Variants in PCDH11X observed in about 807,000 individuals in gnomAD.
PCDH11X encodes protocadherin-11 X-linked.
Under a neutral mutation model 53.3 loss-of-function variants are expected in PCDH11X, and 18 were observed. That is an observed-to-expected ratio of 0.34 (90% confidence interval 0.23 to 0.50). The LOEUF is 0.50. Among genes scored for constraint, PCDH11X ranks in the 20% least tolerant of loss-of-function variants. PCDH11X has a pLI of 0.98. For missense variants in PCDH11X, 570 were observed against 1,032.4 expected (o/e 0.55, Z 6.14); for synonymous variants, 279 against 393.3 (o/e 0.71, Z 3.44).
At chrX:92,441,758 A>G (rs1234922967) in intron 9 of PCDH11X, among the ~76,000 whole-genome samples, 1 of 111,970 alleles carries the variant, frequency 8.9e-6, no homozygotes. Flanking sequence ...ACCCACACAC[A>G]GAGTCCCTAC....
chrX:92,419,669 CTTTTTTTTTTTT>C (rs757189751), intron 9 of PCDH11X, among the ~76,000 whole-genome samples: 8 of 54,196 alleles, frequency 1.5e-4, no homozygotes, highest in African/African-American at 3.1e-4. Flanking sequence ...TCCCTCCACC[CTTTTTTTTTTTT>C]TTTTTTTTTT....
chrX:92,397,895 T>A (rs1268987708), intron 9 of PCDH11X, among the ~76,000 whole-genome samples: 4 of 111,776 alleles, frequency 3.6e-5, no homozygotes, highest in African/African-American at 1.3e-4. Flanking sequence ...CTTCCCCCAG[T>A]TGATTATGAA....
chrX:92,142,158 AT>A lies in PCDH11X; in HGVS notation c.3034-59202del, dbSNP rs755188681. Among the ~76,000 whole-genome samples the A allele has an allele frequency of 3.6e-3, 355 of 98,131 alleles. 1 individual carries two copies. Among genetic ancestry groups the A allele is most frequent in the Middle Eastern group, 0.011 (2 of 190 alleles). The allele number at this position is 98,131 out of a possible 115,157, so 85.2% of individuals were successfully genotyped here. A position where few individuals can be genotyped will look rare whatever the true frequency, so the allele number is the denominator to read the frequency against. Reference sequence around the variant, plus strand: ...AAACAAGTGCTAAATTATTATTATTATTTTTTTTTTTTTTTGAGATGGAGTT... The same window carrying A: ...AAACAAGTGCTAAATTATTATTATTATTTTTTTTTTTTTTGAGATGGAGTT... On this transcript the variant is annotated intron_variant, in intron 6 of 10. Coordinates refer to ENST00000682573, the MANE Select transcript of PCDH11X (RefSeq NM_032968.5).
Position 92,621,571 on chromosome X carries a change from G to GC in PCDH11X, c.*2633dup, listed in dbSNP as rs1928500538. Reference sequence around the variant, plus strand: ...TATTAGCCCAGTTATTCTCCCCTATGCCTTCCTTCTCTTTCTAAGCGTCCA... The same window carrying GC: ...TATTAGCCCAGTTATTCTCCCCTATGCCCTTCCTTCTCTTTCTAAGCGTCCA... On this transcript the variant is annotated 3_prime_UTR_variant, in exon 11 of 11. Transcript: ENST00000682573. The GC allele has an allele frequency of 9.0e-6, 1 of 110,820 alleles. No homozygotes were observed. Among genetic ancestry groups the GC allele is most frequent in the African/African-American group, 3.3e-5 (1 of 30,416 alleles). 9.1% of individuals were successfully genotyped at this position (110,820 alleles called of 1,213,427 possible).
intron 6 of PCDH11X, among the ~76,000 whole-genome samples, chrX:92,121,934 C>A (rs2064773657): frequency 9.6e-6 from 1 of 104,322 alleles, no homozygotes; most frequent in Non-Finnish European, 1.9e-5. Flanking sequence ...CCATGTTGAG[C>A]AACAGAGCAA....
At chrX:92,099,530 T>A (rs1337226377) in intron 6 of PCDH11X, among the ~76,000 whole-genome samples, 1 of 111,719 alleles carries the variant, frequency 9.0e-6, no homozygotes, top group Non-Finnish European at 1.9e-5. Context: ...TCAGTGAGAC[T>A]GTGGTTGCTA....
rs1302457398 is a variant in PCDH11X, at chrX:92,441,797, A to G, written c.3344-26502A>G. Among the ~76,000 whole-genome samples, 3 of 111,353 alleles carry G rather than the reference A, an allele frequency of 2.7e-5. No homozygotes were observed. The East Asian group carries it at 8.6e-4, about 32-fold the overall frequency. ...GGCACCATCTAGTGGAGCTGTGAGA[A>G]GAGGGTTACAGTCCTTCAGACCTTA... On this transcript the variant is annotated intron_variant, in intron 9 of 10. Coordinates refer to ENST00000682573, the MANE Select transcript of PCDH11X (RefSeq NM_032968.5).
intron 6 of PCDH11X, among the ~76,000 whole-genome samples, chrX:92,188,565 AG>A (rs2066139230): frequency 9.0e-6 from 1 of 111,721 alleles, no homozygotes; most frequent in Non-Finnish European, 1.9e-5. Flanking sequence ...CATTATTGAA[AG>A]AAAGTAGAGC....
At chrX:92,380,339 G>A (rs1472994048) in intron 8 of PCDH11X, among the ~76,000 whole-genome samples, 1 of 111,354 alleles carries the variant, frequency 9.0e-6, no homozygotes, top group Non-Finnish European at 1.9e-5. Context: ...CCTTTGGCAG[G>A]CATGGGATCC....
chrX:92,127,810 C>T (rs2064897050), intron 6 of PCDH11X, among the ~76,000 whole-genome samples: 1 of 111,203 alleles, frequency 9.0e-6, no homozygotes, highest in Non-Finnish European at 1.9e-5. Context: ...CATAAGCCAC[C>T]ACACCCAGCC....
At chrX:92,517,243 C>CA (rs749666143) in intron 10 of PCDH11X, among the ~76,000 whole-genome samples, 201 of 111,593 alleles carry the variant, frequency 1.8e-3, no homozygotes, top group Non-Finnish European at 3.0e-3. Context: ...ACCCAAAATA[C>CA]AAAAAACAGA....
chrX:92,494,637 TA>T (rs2073829658), intron 10 of PCDH11X, among the ~76,000 whole-genome samples: 1 of 111,658 alleles, frequency 9.0e-6, no homozygotes, highest in African/African-American at 3.3e-5. Flanking sequence ...ATACTGAATT[TA>T]CATAAAACAT....
chrX:92,360,301 T>C, intron 8 of PCDH11X, among the ~76,000 whole-genome samples: 1 of 111,385 alleles, frequency 9.0e-6, no homozygotes, highest in African/African-American at 3.2e-5. Context: ...GCTTTTCTGA[T>C]GTTACTGTTC....
intron 10 of PCDH11X, among the ~76,000 whole-genome samples, chrX:92,564,082 A>G (rs1055524622): frequency 9.1e-6 from 1 of 110,209 alleles, no homozygotes; most frequent in Non-Finnish European, 1.9e-5. Context: ...AGTCTCCACA[A>G]TAAACTCATA....
At chrX:91,821,011 T>C (rs1270812587) in intron 4 of PCDH11X, among the ~76,000 whole-genome samples, 1 of 107,976 alleles carries the variant, frequency 9.3e-6, no homozygotes, top group African/African-American at 3.6e-5. Flanking sequence ...CTGAGGGCTC[T>C]GTTCTGTTCC....
At chrX:92,287,218 T>A (rs1226005273) in intron 8 of PCDH11X, among the ~76,000 whole-genome samples, 2 of 111,420 alleles carry the variant, frequency 1.8e-5, no homozygotes, top group Non-Finnish European at 1.9e-5. Context: ...ATGTGCAGAA[T>A]GTGCAGGTTT....
At chrX:92,136,047 T>C (rs767056517) in intron 6 of PCDH11X, among the ~76,000 whole-genome samples, 2 of 111,496 alleles carry the variant, frequency 1.8e-5, no homozygotes, top group Non-Finnish European at 3.8e-5. Context: ...CATTTGCAAA[T>C]TACAAGCACA....
intron 8 of PCDH11X, among the ~76,000 whole-genome samples, chrX:92,363,692 T>C (rs1287215143): frequency 3.6e-5 from 4 of 111,294 alleles, no homozygotes; most frequent in African/African-American, 9.8e-5. Flanking sequence ...CAGTAGTATA[T>C]TGAATACAAG....
chrX:92,200,733 T>C (rs1483794780), intron 6 of PCDH11X, among the ~76,000 whole-genome samples: 1 of 111,802 alleles, frequency 8.9e-6, no homozygotes, highest in African/African-American at 3.2e-5. Context: ...AATAGCAAAT[T>C]TGTGTTGTGG....
Sources: allele counts gnomAD v4.1 joint callset (sites outside exome capture counted in the v4.1 genomes callset), GRCh38; gene constraint gnomAD v4.1.1; transcripts MANE v1.5; gene names NCBI Gene and HGNC (gene_info 2026-07-23, HGNC 2026-07-21).